CSRNP3: variants seen among roughly 807,000 people sequenced by gnomAD.
The protein encoded by CSRNP3 is cysteine and serine rich nuclear protein 3.
In CSRNP3, 12 loss-of-function variants were observed where a neutral mutation model predicts 48.0. That is an observed-to-expected ratio of 0.25 (90% confidence interval 0.16 to 0.41). The LOEUF (loss-of-function observed/expected upper bound fraction) is 0.41. Ranked by LOEUF, CSRNP3 falls within the 10% of genes least tolerant of loss-of-function variation. The pLI, the probability that CSRNP3 is intolerant of heterozygous loss-of-function variation, is 1.00. For synonymous variants in CSRNP3, 263 were observed against 269.7 expected (o/e 0.98, Z 0.24); for missense variants, 580 against 724.4 (o/e 0.80, Z 2.29).
intron 3 of CSRNP3, among the ~76,000 whole-genome samples, chr2:165,557,207 C>T (rs1460525138): frequency 6.6e-6 from 1 of 152,098 alleles, no homozygotes; most frequent in Non-Finnish European, 1.5e-5. Flanking sequence ...TTATTAAATT[C>T]AAATTTTAAT....
intron 4 of CSRNP3, among the ~76,000 whole-genome samples, chr2:165,647,578 A>G (rs1686834622): frequency 1.3e-5 from 2 of 152,194 alleles, no homozygotes; most frequent in South Asian, 2.1e-4. Flanking sequence ...CTCAACAGTA[A>G]TGACGTCAGG....
At chr2:165,651,326 A>G (rs1274621369) in intron 4 of CSRNP3, among the ~76,000 whole-genome samples, 3 of 152,234 alleles carry the variant, frequency 2.0e-5, no homozygotes, top group East Asian at 1.9e-4. Flanking sequence ...TCCATACTAT[A>G]TAAACAGATT....
At chr2:165,513,866 A>T (rs565519580) in intron 2 of CSRNP3, among the ~76,000 whole-genome samples, 34 of 152,334 alleles carry the variant, frequency 2.2e-4, no homozygotes, top group African/African-American at 8.2e-4. Flanking sequence ...GGTTGTCTTT[A>T]CTTTCCCCAT....
intron 1 of CSRNP3, among the ~76,000 whole-genome samples, chr2:165,482,653 A>T (rs1376639240): frequency 6.6e-6 from 1 of 152,160 alleles, no homozygotes; most frequent in Non-Finnish European, 1.5e-5. Flanking sequence ...GCCCAAAGGG[A>T]GATATACCAA....
intron 3 of CSRNP3, among the ~76,000 whole-genome samples, chr2:165,587,806 C>A (rs1460233778): frequency 6.6e-6 from 1 of 152,172 alleles, no homozygotes; most frequent in Non-Finnish European, 1.5e-5. Context: ...TTTCATTTCT[C>A]ATTTTCATTC....
intron 3 of CSRNP3, among the ~76,000 whole-genome samples, chr2:165,573,291 GAA>G (rs1340226504): frequency 6.7e-6 from 1 of 148,396 alleles, no homozygotes; most frequent in Non-Finnish European, 1.5e-5. Flanking sequence ...ATTTTTAAGA[GAA>G]GAGATTATTT....
intron 2 of CSRNP3, among the ~76,000 whole-genome samples, chr2:165,506,669 T>C (rs1318786192): frequency 1.3e-5 from 2 of 152,154 alleles, no homozygotes; most frequent in Non-Finnish European, 2.9e-5. Flanking sequence ...TTTCCTTTTT[T>C]ATTTGGGGTC....
At position 165,566,208 on chromosome 2, in the gene CSRNP3, AT is replaced by A. The variant is rs1360528159; in HGVS notation, c.-23-28834del. On this transcript the variant is annotated intron_variant, in intron 3 of 6. Transcript: ENST00000651982. ...ATTACAAATGCACAATCCTATCGAG[AT>A]AAAAAAAAATCTTAGCATTTTCAGA... is the stretch of plus-strand genomic sequence containing the variant. 1.8e-4 allele frequency among the ~76,000 whole-genome samples: 8 copies of A among 45,260 alleles called. No homozygotes were observed. In the East Asian group the frequency reaches 1.9e-3, roughly 11 times the overall value. The allele number at this position is 45,260 out of a possible 152,430, so 29.7% of individuals were successfully genotyped here.
intron 2 of CSRNP3, among the ~76,000 whole-genome samples, chr2:165,498,513 A>G (rs923113886): frequency 2.6e-5 from 4 of 152,094 alleles, no homozygotes; most frequent in African/African-American, 9.7e-5. Flanking sequence ...GACTAAATGG[A>G]GTAATTATAT....
chr2:165,527,601 A>G (rs1684754331), intron 3 of CSRNP3, among the ~76,000 whole-genome samples: 1 of 152,150 alleles, frequency 6.6e-6, no homozygotes, highest in African/African-American at 2.4e-5. Context: ...CATAAATTAA[A>G]TCGGTATGTC....
At chr2:165,572,837 T>C (rs938876564) in intron 3 of CSRNP3, among the ~76,000 whole-genome samples, 12 of 152,192 alleles carry the variant, frequency 7.9e-5, no homozygotes, top group African/African-American at 2.9e-4. Flanking sequence ...GGGTAAGAAA[T>C]AAATTCATCC....
intron 3 of CSRNP3, among the ~76,000 whole-genome samples, chr2:165,585,080 T>G (rs1685605865): frequency 6.6e-6 from 1 of 152,120 alleles, no homozygotes; most frequent in Non-Finnish European, 1.5e-5. Flanking sequence ...TTACTAAAAA[T>G]CATGATTTTA....
At chr2:165,661,734 T>G (rs16850978) in intron 5 of CSRNP3, among the ~76,000 whole-genome samples, 68,115 of 151,960 alleles carry the variant, frequency 0.45, 15,299 homozygotes, top group East Asian at 0.55. Flanking sequence ...CAAACTTTGC[T>G]CACTGTGAGT....
chr2:165,615,541 TAA>T (rs35407045), intron 4 of CSRNP3, among the ~76,000 whole-genome samples: 4 of 144,162 alleles, frequency 2.8e-5, no homozygotes. Context: ...AGACTCCATC[TAA>T]AAAAAAAAAA....
chr2:165,503,880 G>A (rs927288730), intron 2 of CSRNP3, among the ~76,000 whole-genome samples: 7 of 151,770 alleles, frequency 4.6e-5, no homozygotes, highest in Non-Finnish European at 8.8e-5. Context: ...CTTTAATTTA[G>A]TCATAGGATA....
At chr2:165,485,805 G>T (rs1684104591) in intron 1 of CSRNP3, among the ~76,000 whole-genome samples, 1 of 152,252 alleles carries the variant, frequency 6.6e-6, no homozygotes, top group Admixed American at 6.5e-5. Flanking sequence ...ATAAAAGAAA[G>T]CTTACATTTA....
intron 4 of CSRNP3, among the ~76,000 whole-genome samples, chr2:165,623,786 T>G (rs1686383041): frequency 6.6e-6 from 1 of 152,202 alleles, no homozygotes; most frequent in African/African-American, 2.4e-5. Flanking sequence ...TTCCTACTTC[T>G]GAAACTTGGA....
At chr2:165,626,648 C>T (rs901722110) in intron 4 of CSRNP3, among the ~76,000 whole-genome samples, 1 of 152,208 alleles carries the variant, frequency 6.6e-6, no homozygotes, top group Non-Finnish European at 1.5e-5. Flanking sequence ...GTACAGACTG[C>T]CTGTTGCTGC....
rs1195423447 is a variant in CSRNP3, at chr2:165,681,835, A to G, written c.*2082A>G. 2.0e-5 allele frequency: 3 copies of G among 147,628 alleles called. No homozygotes were observed. Among genetic ancestry groups the G allele is most frequent in the Non-Finnish European group, 4.5e-5 (3 of 67,132 alleles). The allele number at this position is 147,628 out of a possible 1,614,324, so 9.1% of individuals were successfully genotyped here. ...TGTGTGTGTGTGTGTGTGTGTATAT[A>G]TATATATCCCATGTTGTCTGCAAAG... On this transcript the variant is annotated 3_prime_UTR_variant, in exon 7 of 7. Transcript: ENST00000651982.
Sources: allele counts gnomAD v4.1 joint callset (sites outside exome capture counted in the v4.1 genomes callset), GRCh38; gene constraint gnomAD v4.1.1; transcripts MANE v1.5; gene names NCBI Gene and HGNC (gene_info 2026-07-23, HGNC 2026-07-21).